The following COBL variants were observed in gnomAD, a reference collection of about 807,000 sequenced individuals.
COBL encodes cordon-bleu WH2 repeat protein.
A neutral mutation model predicts 98.8 loss-of-function variants in COBL; 51 were observed. The ratio of observed to expected loss-of-function variants is 0.52; its 90% CI spans 0.41 to 0.65. The LOEUF (loss-of-function observed/expected upper bound fraction) is 0.65. Ranked by LOEUF, COBL falls within the 30% of genes least tolerant of loss-of-function variation. COBL has a pLI of 0.00. For missense variants in COBL, 1,617 were observed against 1,617.5 expected, an observed-to-expected ratio of 1.00 and a Z score of 0.01; for synonymous variants, 634 against 651.7, an observed-to-expected ratio of 0.97 and a Z score of 0.41.
rs908648459 is a variant in COBL, at chr7:51,260,197, G to A, written c.42-40253C>T. 96 of 740,744 alleles carry A rather than the reference G, an allele frequency of 1.3e-4. 1 individual carries two copies. The highest frequency in any genetic ancestry group is 9.0e-4 in the Admixed American group (39 of 43,360). The allele number at this position is 740,744 out of a possible 1,614,324, so 45.9% of individuals were successfully genotyped here. ...CTAGAGTTGTAGCTACTGATCATGC[G>A]TAACTCTACCACATGGGGAAGATGG... On this transcript the variant is annotated intron_variant, in intron 1 of 12. Coordinates refer to ENST00000265136, the MANE Select transcript of COBL (RefSeq NM_015198.5).
chr7:51,053,092 T>C (rs1009207587), intron 7 of COBL, among the ~76,000 whole-genome samples: 1 of 152,196 alleles, frequency 6.6e-6, no homozygotes, highest in Non-Finnish European at 1.5e-5. Flanking sequence ...CTCCTAGTGT[T>C]TACTTCTAAC....
At chr7:51,275,658 C>A (rs1490477759) in intron 1 of COBL, among the ~76,000 whole-genome samples, 1 of 152,116 alleles carries the variant, frequency 6.6e-6, no homozygotes, top group Non-Finnish European at 1.5e-5. Flanking sequence ...CCACCAACCA[C>A]CACCAGCCGC....
At chr7:51,299,922 G>C (rs1450639568) in intron 1 of COBL, among the ~76,000 whole-genome samples, 1 of 152,142 alleles carries the variant, frequency 6.6e-6, no homozygotes, top group African/African-American at 2.4e-5. Context: ...AAGCTGCTAT[G>C]AAAGTCTGCA....
intron 5 of COBL, chr7:51,156,354 G>T (rs1786132061): frequency 2.0e-6 from 2 of 985,170 alleles, no homozygotes; most frequent in Admixed American, 1.2e-4. Flanking sequence ...ATCTCAGTTT[G>T]AAGCTCAGAG....
intron 1 of COBL, among the ~76,000 whole-genome samples, chr7:51,248,634 T>C (rs1361332091): frequency 2.6e-5 from 4 of 152,352 alleles, no homozygotes; most frequent in Admixed American, 1.3e-4. Flanking sequence ...TATTTTCTAA[T>C]GGCACAAAAT....
At chr7:51,256,995 C>G (rs1797252058) in intron 1 of COBL, among the ~76,000 whole-genome samples, 1 of 151,978 alleles carries the variant, frequency 6.6e-6, no homozygotes, top group African/African-American at 2.4e-5. Context: ...AATGAGGAAG[C>G]CCAGAAGAGC....
At chr7:51,045,080 G>C (rs1180511464) in intron 7 of COBL, among the ~76,000 whole-genome samples, 1 of 152,238 alleles carries the variant, frequency 6.6e-6, no homozygotes, top group African/African-American at 2.4e-5. Context: ...TTTGGGGCTA[G>C]ACTCTTGTTC....
chr7:51,197,900 CGT>C (rs1316561352), intron 2 of COBL, among the ~76,000 whole-genome samples: 1 of 152,108 alleles, frequency 6.6e-6, no homozygotes, highest in Admixed American at 6.6e-5. Context: ...TTTGAGCTTA[CGT>C]GTGTCACTGC....
At chr7:51,038,320 C>A (rs1406305448) in intron 8 of COBL, among the ~76,000 whole-genome samples, 1 of 152,184 alleles carries the variant, frequency 6.6e-6, no homozygotes, top group Non-Finnish European at 1.5e-5. Flanking sequence ...CCTCTAAATA[C>A]AACTGCACAC....
chr7:51,043,420 A>G lies in COBL; in HGVS notation c.1369T>C (p.Leu457=), dbSNP rs759183001. ...TTCTCAGAGCCATTCTTCTCCCACAAGGGGCTCTTCTGGGGACCCAGGTCT... is the reference window on the plus strand; with the variant it reads ...TTCTCAGAGCCATTCTTCTCCCACAGGGGGCTCTTCTGGGGACCCAGGTCT... The part of the protein sequence containing the change: ...TPDLGPQKSP[L]WEKNGSENSH... The change falls in exon 8 of 13, where the codon TTG becomes CTG. Residue 457 remains leucine (L), a synonymous_variant. Coordinates refer to ENST00000265136, the MANE Select transcript of COBL (RefSeq NM_015198.5). The G allele has an allele frequency of 1.1e-5, 17 of 1,614,010 alleles. No individual in the cohort carries two copies. In the East Asian group the frequency reaches 1.3e-4, roughly 13 times the overall value.
chr7:51,065,706 G>A (rs1162315223), intron 7 of COBL, among the ~76,000 whole-genome samples: 1 of 152,246 alleles, frequency 6.6e-6, no homozygotes, highest in Non-Finnish European at 1.5e-5. Flanking sequence ...ACAGGCTAAT[G>A]CACACCAGGT....
intron 5 of COBL, among the ~76,000 whole-genome samples, chr7:51,169,223 A>G (rs1342627200): frequency 6.6e-6 from 1 of 152,202 alleles, no homozygotes; most frequent in Admixed American, 6.5e-5. Context: ...GCCAATCAGA[A>G]TATGTTTAAA....
chr7:51,287,749 G>A (rs1409388534), intron 1 of COBL, among the ~76,000 whole-genome samples: 1 of 152,094 alleles, frequency 6.6e-6, no homozygotes, highest in Non-Finnish European at 1.5e-5. Flanking sequence ...CCTGCAATGG[G>A]TGGATGGGTA....
In COBL at chr7:51,025,196, G is replaced by C. The variant is rs557642612; in HGVS notation, c.3681C>G (p.Ser1227Arg). 1 of 1,608,678 alleles carries C rather than the reference G, an allele frequency of 6.2e-7. No homozygotes were observed. Among genetic ancestry groups the C allele is most frequent in the African/African-American group, 1.3e-5 (1 of 74,522 alleles). The change falls in exon 12 of 13, where the codon AGC becomes AGG. Residue 1227 changes from serine to arginine, a missense_variant. By Grantham distance (110) the Ser-to-Arg change is moderately radical. Coordinates refer to ENST00000265136, the MANE Select transcript of COBL (RefSeq NM_015198.5). ...CTGCGGTGTTGCTGAGGGTGCCCGT[G>C]CTGAACCTGGAGGCCGTCCTTGGTG... The part of the protein sequence containing the change: ...LSAPRTASRF[S>R]TGTLSNTADA...
chr7:51,207,218 G>A (rs1011128161), intron 2 of COBL, among the ~76,000 whole-genome samples: 1 of 151,166 alleles, frequency 6.6e-6, no homozygotes, highest in East Asian at 1.9e-4. Context: ...TTTCCCAATA[G>A]GTACTTGGTA....
chr7:51,266,847 G>C (rs928460555), intron 1 of COBL, among the ~76,000 whole-genome samples: 4 of 152,272 alleles, frequency 2.6e-5, no homozygotes, highest in African/African-American at 9.6e-5. Flanking sequence ...AGGGTTGGGA[G>C]GAGTTGCCCT....
intron 1 of COBL, among the ~76,000 whole-genome samples, chr7:51,274,417 T>A (rs1045629073): frequency 2.0e-5 from 3 of 152,224 alleles, no homozygotes; most frequent in Non-Finnish European, 4.4e-5. Context: ...GTTTGTCTCA[T>A]CAACACAACA....
intron 1 of COBL, among the ~76,000 whole-genome samples, chr7:51,252,842 C>G (rs1761927018): frequency 6.6e-6 from 1 of 152,154 alleles, no homozygotes; most frequent in African/African-American, 2.4e-5. Context: ...ATAAATATCT[C>G]ATTCTCCAAC....
At chr7:51,045,038 G>C (rs576195533) in intron 7 of COBL, among the ~76,000 whole-genome samples, 12 of 152,234 alleles carry the variant, frequency 7.9e-5, no homozygotes, top group Non-Finnish European at 1.6e-4. Context: ...CTGGTCTGCT[G>C]CGACCTCGCT....
Sources: gnomAD v4.1 joint callset for allele counts (sites outside exome capture counted in the v4.1 genomes callset) on GRCh38, gnomAD v4.1.1 for gene constraint, MANE v1.5 for transcripts, NCBI Gene and HGNC (gene_info 2026-07-23, HGNC 2026-07-21) for gene names.